KLHL2: variants seen among roughly 807,000 people sequenced by gnomAD.
The protein encoded by KLHL2 is kelch like family member 2.
A neutral mutation model predicts 75.8 loss-of-function variants in KLHL2; 15 were observed. That is an observed-to-expected ratio of 0.20 (90% CI 0.13 to 0.30). KLHL2 has a LOEUF of 0.30. Ranked by LOEUF, KLHL2 falls within the 10% of genes least tolerant of loss-of-function variation. The pLI is 1.00. For missense variants in KLHL2, 381 were observed against 741.0 expected, an observed-to-expected ratio of 0.51 and a Z score of 5.64; for synonymous variants, 214 against 251.9, an observed-to-expected ratio of 0.85 and a Z score of 1.42.
At chr4:165,246,893 T>G (rs1740306440) in intron 4 of KLHL2, among the ~76,000 whole-genome samples, 1 of 152,072 alleles carries the variant, frequency 6.6e-6, no homozygotes, top group African/African-American at 2.4e-5. Flanking sequence ...AGAGGTAGTG[T>G]AGACAGAGAA....
At chr4:165,233,727 A>G (rs1579005418) in intron 3 of KLHL2, among the ~76,000 whole-genome samples, 1 of 152,238 alleles carries the variant, frequency 6.6e-6, no homozygotes, top group African/African-American at 2.4e-5. Flanking sequence ...AGGAAGAAGA[A>G]GAAAGGTTAG....
At chr4:165,312,401 G>A (rs1746272053) in intron 11 of KLHL2, among the ~76,000 whole-genome samples, 1 of 150,194 alleles carries the variant, frequency 6.7e-6, no homozygotes, top group Admixed American at 6.6e-5. Context: ...CAGAAGTTAA[G>A]GAAGGCTCTA....
At chr4:165,232,360 G>A (rs1159901992) in intron 3 of KLHL2, among the ~76,000 whole-genome samples, 2 of 150,840 alleles carry the variant, frequency 1.3e-5, no homozygotes, top group Non-Finnish European at 2.9e-5. Context: ...CCAGGAGGTG[G>A]AACTTGCAGT....
chr4:165,208,043 G>T, intron 1 of KLHL2, 141 bp downstream of exon 1: 2 of 473,950 alleles, frequency 4.2e-6, no homozygotes, highest in Non-Finnish European at 6.4e-6. Context: ...GAGGCGCTGT[G>T]CCCGCAGTCC....
chr4:165,241,104 AGTTTT>A (rs746812924), intron 4 of KLHL2, among the ~76,000 whole-genome samples: 234 of 152,314 alleles, frequency 1.5e-3, no homozygotes, highest in African/African-American at 4.3e-3. Flanking sequence ...ACATTTGTAT[AGTTTT>A]GTTTTGTTTT....
intron 5 of KLHL2, among the ~76,000 whole-genome samples, chr4:165,268,133 T>C (rs1368835843): frequency 6.6e-6 from 1 of 152,254 alleles, no homozygotes; most frequent in African/African-American, 2.4e-5. Flanking sequence ...TGGTAGTTTG[T>C]ATTGCTGTGG....
At chr4:165,307,800 T>A (rs974806896) in intron 9 of KLHL2, among the ~76,000 whole-genome samples, 1 of 152,180 alleles carries the variant, frequency 6.6e-6, no homozygotes, top group African/African-American at 2.4e-5. Flanking sequence ...TAAAAACATT[T>A]GTTGTTCTAG....
At chr4:165,297,490 G>A in intron 6 of KLHL2, 119 bp from the exon 7 acceptor site, 9 of 651,076 alleles carry the variant, frequency 1.4e-5, no homozygotes, top group Non-Finnish European at 2.5e-5. Flanking sequence ...CACTTGAGCT[G>A]TGAATTAAAC....
intron 5 of KLHL2, among the ~76,000 whole-genome samples, chr4:165,269,849 A>C (rs914482608): frequency 1.3e-5 from 2 of 151,952 alleles, no homozygotes; most frequent in Non-Finnish European, 2.9e-5. Flanking sequence ...ATATTTCCTG[A>C]ATTTGAATGT....
At chr4:165,285,254 T>C (rs995355413) in intron 5 of KLHL2, among the ~76,000 whole-genome samples, 1 of 152,186 alleles carries the variant, frequency 6.6e-6, no homozygotes, top group Non-Finnish European at 1.5e-5. Flanking sequence ...AATCTTATGA[T>C]TTTTATGGCA....
intron 2 of KLHL2, among the ~76,000 whole-genome samples, chr4:165,226,992 A>T (rs2111025940): frequency 6.6e-6 from 1 of 152,350 alleles, no homozygotes; most frequent in Middle Eastern, 3.4e-3. Context: ...ACTCTTGCAT[A>T]GTACCTTCCT....
chr4:165,308,081 C>G (rs989353287), intron 9 of KLHL2, among the ~76,000 whole-genome samples: 15 of 152,140 alleles, frequency 9.9e-5, no homozygotes, highest in African/African-American at 3.6e-4. Context: ...ATTTTAGTTA[C>G]TGAGCTTTAT....
intron 14 of KLHL2, among the ~76,000 whole-genome samples, chr4:165,320,616 G>A (rs1342171795): frequency 6.6e-6 from 1 of 152,176 alleles, no homozygotes; most frequent in African/African-American, 2.4e-5. Context: ...CCAGTGCTAT[G>A]GAAGAGAATC....
chr4:165,260,088 A>G (rs1320075419), intron 4 of KLHL2, among the ~76,000 whole-genome samples: 2 of 152,148 alleles, frequency 1.3e-5, no homozygotes, highest in Non-Finnish European at 2.9e-5. Context: ...TCCTGTTTTC[A>G]TTATCAGTGA....
chr4:165,286,442 C>G (rs1744099778), intron 5 of KLHL2, among the ~76,000 whole-genome samples: 1 of 151,878 alleles, frequency 6.6e-6, no homozygotes, highest in Non-Finnish European at 1.5e-5. Flanking sequence ...TAAGACAGAA[C>G]AAGTGGAGAA....
At chr4:165,239,264 C>CCTTTTT (rs1560997161) in intron 4 of KLHL2, among the ~76,000 whole-genome samples, 1 of 134,852 alleles carries the variant, frequency 7.4e-6, no homozygotes. Context: ...TTATTTCTGT[C>CCTTTTT]TTTTTTTTTT....
At chr4:165,301,792 C>A (rs2126526210) in intron 8 of KLHL2, among the ~76,000 whole-genome samples, 1 of 152,166 alleles carries the variant, frequency 6.6e-6, no homozygotes, top group East Asian at 1.9e-4. Context: ...AAAAGAATTT[C>A]TTCTTGTATA....
At chr4:165,246,688 G>A (rs1740292812) in intron 4 of KLHL2, among the ~76,000 whole-genome samples, 1 of 152,346 alleles carries the variant, frequency 6.6e-6, no homozygotes, top group East Asian at 1.9e-4. Context: ...TGTTGTCTGA[G>A]ATGGTGAAGA....
intron 13 of KLHL2, among the ~76,000 whole-genome samples, chr4:165,316,464 T>G (rs1380943067): frequency 6.6e-6 from 1 of 152,116 alleles, no homozygotes; most frequent in Non-Finnish European, 1.5e-5. Flanking sequence ...ATGGTATGAG[T>G]TTTTTTCCTA....
Sources: gnomAD v4.1 joint callset for allele counts (sites outside exome capture counted in the v4.1 genomes callset) on GRCh38, gnomAD v4.1.1 for gene constraint, MANE v1.5 for transcripts, NCBI Gene and HGNC (gene_info 2026-07-23, HGNC 2026-07-21) for gene names.